Variants in CHD9 observed in about 807,000 individuals in gnomAD.
The protein encoded by CHD9 is ATP-dependent chromatin remodeler CHD9.
A neutral mutation model predicts 316.1 loss-of-function variants in CHD9; 77 were observed. The observed-to-expected ratio is 0.24, with a 90% confidence interval of 0.20 to 0.29. CHD9 has a LOEUF of 0.29. Ranked by LOEUF, CHD9 falls within the 10% of genes least tolerant of loss-of-function variation. The probability of loss-of-function intolerance (pLI) is 1.00; values close to 1 mark genes in which losing one functional copy is unlikely to be tolerated. For missense variants in CHD9, 2,763 were observed against 3,438.1 expected (o/e 0.80, Z 4.91); for synonymous variants, 1,129 against 1,158.3 (o/e 0.97, Z 0.51).
intron 19 of CHD9, 106 bp downstream of exon 19, chr16:53,255,885 C>T: frequency 9.8e-7 from 1 of 1,017,400 alleles, no homozygotes; most frequent in Non-Finnish European, 1.5e-6. Context: ...ACTGAATTAG[C>T]CAAGATGCAG....
chr16:53,127,062 C>T (rs1407388930), intron 1 of CHD9, among the ~76,000 whole-genome samples: 1 of 152,026 alleles, frequency 6.6e-6, no homozygotes, highest in Non-Finnish European at 1.5e-5. Context: ...TCAAGTGATC[C>T]TCCCAACTCA....
intron 1 of CHD9, among the ~76,000 whole-genome samples, chr16:53,132,350 T>C (rs1351765392): frequency 2.6e-5 from 4 of 152,218 alleles, no homozygotes; most frequent in African/African-American, 9.6e-5. Context: ...TTCTCAATTT[T>C]GTATGCTACT....
rs867860272 is a variant in CHD9 at position 53,182,968 on chromosome 16, A to T, written c.1452+25427A>T. On this transcript the variant is annotated intron_variant, in intron 2 of 38. Coordinates refer to ENST00000447540, the MANE Select transcript of CHD9 (RefSeq NM_001308319.2). ...ATGAATATATGTGAGACTATATATT[A>T]GCTAACTTTTTGTTTTAGGTTGCAT... is the stretch of plus-strand genomic sequence containing the variant. Among the ~76,000 whole-genome samples, 10 of 152,326 alleles carry T rather than the reference A, an allele frequency of 6.6e-5. 1 individual carries two copies. Among genetic ancestry groups the T allele is most frequent in the Middle Eastern group, 6.8e-3 (2 of 294 alleles).
intron 1 of CHD9, among the ~76,000 whole-genome samples, chr16:53,102,535 A>C (rs770212079): frequency 2.0e-5 from 3 of 152,058 alleles, no homozygotes; most frequent in African/African-American, 7.2e-5. Flanking sequence ...GTGACACTCT[A>C]TACCCACAAT....
At chr16:53,108,551 G>C (rs1353667500) in intron 1 of CHD9, among the ~76,000 whole-genome samples, 1 of 149,274 alleles carries the variant, frequency 6.7e-6, no homozygotes, top group Admixed American at 6.7e-5. Context: ...TAGATAGATA[G>C]ATAGATAGAT....
chr16:53,268,899 C>G (rs1028136082), intron 22 of CHD9, among the ~76,000 whole-genome samples: 1 of 152,138 alleles, frequency 6.6e-6, no homozygotes, highest in African/African-American at 2.4e-5. Context: ...ACCTCCTGGG[C>G]TTAAGCCATC....
chr16:53,086,832 T>G (rs1051656768), intron 1 of CHD9, among the ~76,000 whole-genome samples: 1 of 152,174 alleles, frequency 6.6e-6, no homozygotes, highest in Non-Finnish European at 1.5e-5. Flanking sequence ...ACTTTCTCCA[T>G]CCCTGTGTTA....
At chr16:53,305,401 G>T (rs920597112) in intron 31 of CHD9, among the ~76,000 whole-genome samples, 1 of 152,174 alleles carries the variant, frequency 6.6e-6, no homozygotes, top group Non-Finnish European at 1.5e-5. Flanking sequence ...TCTTAGGAAA[G>T]CACTATTGGG....
At chr16:53,084,400 T>C (rs943502770) in intron 1 of CHD9, among the ~76,000 whole-genome samples, 3 of 152,116 alleles carry the variant, frequency 2.0e-5, no homozygotes, top group Admixed American at 6.5e-5. Flanking sequence ...TGAAGCAGTT[T>C]AGAGTGTTGT....
intron 19 of CHD9, among the ~76,000 whole-genome samples, chr16:53,262,243 T>A (rs1259380625): frequency 6.6e-6 from 1 of 152,198 alleles, no homozygotes; most frequent in Non-Finnish European, 1.5e-5. Context: ...TTGATGACAT[T>A]TTTTGATGAG....
chr16:53,321,103 T>C (rs567534289), intron 37 of CHD9: 1 of 569,172 alleles, frequency 1.8e-6, no homozygotes, highest in Non-Finnish European at 3.0e-6. Context: ...ACTTGAATTG[T>C]CTCATTTTAT....
At chr16:53,099,608 A>G (rs1235612268) in intron 1 of CHD9, among the ~76,000 whole-genome samples, 1 of 151,976 alleles carries the variant, frequency 6.6e-6, no homozygotes, top group South Asian at 2.1e-4. Context: ...CTCCCCTGAC[A>G]ATCAGCCAGA....
At chr16:53,275,675 C>A (rs2052737131) in intron 24 of CHD9, among the ~76,000 whole-genome samples, 1 of 152,042 alleles carries the variant, frequency 6.6e-6, no homozygotes, top group South Asian at 2.1e-4. Context: ...CCATTCTCAG[C>A]AAATGATATT....
intron 35 of CHD9, 60 bp from the exon 36 acceptor site, chr16:53,314,763 G>A: frequency 1.5e-6 from 2 of 1,302,472 alleles, no homozygotes; most frequent in Middle Eastern, 1.9e-4. Flanking sequence ...TTGCTTTATT[G>A]AACCAATATT....
At chr16:53,263,428 T>C (rs902136165) in intron 20 of CHD9, among the ~76,000 whole-genome samples, 1 of 152,154 alleles carries the variant, frequency 6.6e-6, no homozygotes, top group African/African-American at 2.4e-5. Context: ...TCAGAACCCA[T>C]TAATGATAAT....
intron 1 of CHD9, among the ~76,000 whole-genome samples, chr16:53,120,538 G>T (rs1039759192): frequency 6.6e-6 from 1 of 152,042 alleles, no homozygotes; most frequent in Non-Finnish European, 1.5e-5. Flanking sequence ...GCTTGAAACC[G>T]GGAGGCGGAG....
intron 28 of CHD9, among the ~76,000 whole-genome samples, chr16:53,292,465 C>G (rs982658662): frequency 6.6e-6 from 1 of 152,178 alleles, no homozygotes; most frequent in Non-Finnish European, 1.5e-5. Context: ...CTGAGATAAA[C>G]TTAATACAGA....
At chr16:53,254,069 C>G (rs1156459175) in intron 17 of CHD9, among the ~76,000 whole-genome samples, 1 of 152,066 alleles carries the variant, frequency 6.6e-6, no homozygotes, top group East Asian at 1.9e-4. Flanking sequence ...CCCAGCTACT[C>G]AGGAGGCCGA....
At chr16:53,216,538 G>T (rs1266751399) in intron 3 of CHD9, among the ~76,000 whole-genome samples, 1 of 152,078 alleles carries the variant, frequency 6.6e-6, no homozygotes, top group African/African-American at 2.4e-5. Flanking sequence ...AGAATAAAGG[G>T]ATCATCTTTT....
Sources: allele counts gnomAD v4.1 joint callset (sites outside exome capture counted in the v4.1 genomes callset), GRCh38; gene constraint gnomAD v4.1.1; transcripts MANE v1.5; gene names NCBI Gene and HGNC (gene_info 2026-07-23, HGNC 2026-07-21).